The following DIAPH2 variants were observed in gnomAD, a reference collection of about 807,000 sequenced individuals.
DIAPH2 encodes the protein protein diaphanous homolog 2.
In DIAPH2, 35 loss-of-function variants were observed where a neutral mutation model predicts 92.7. That is an observed-to-expected ratio of 0.38 (90% CI 0.29 to 0.50). The LOEUF (loss-of-function observed/expected upper bound fraction) is 0.50, where lower values mean the gene tolerates loss of function less well. Among genes scored for constraint, DIAPH2 ranks in the 20% least tolerant of loss-of-function variants. The pLI, the probability that DIAPH2 is intolerant of heterozygous loss-of-function variation, is 0.94. For synonymous variants in DIAPH2, 301 were observed against 280.4 expected, an observed-to-expected ratio of 1.07 and a Z score of -0.73; for missense variants, 701 against 819.5, an observed-to-expected ratio of 0.86 and a Z score of 1.77.
At chrX:97,185,329 A>G (rs865886641) in intron 22 of DIAPH2, among the ~76,000 whole-genome samples, 943 of 9,382 alleles carry the variant, frequency 0.1, 242 homozygotes, top group African/African-American at 0.28. Flanking sequence ...ATATATGTGT[A>G]TATATATATA....
At chrX:97,578,294 A>G (rs2071412295) in intron 26 of DIAPH2, among the ~76,000 whole-genome samples, 1 of 108,057 alleles carries the variant, frequency 9.3e-6, no homozygotes, top group Non-Finnish European at 1.9e-5. Flanking sequence ...AGCATTAGGT[A>G]TATCTCCCAA....
intron 23 of DIAPH2, among the ~76,000 whole-genome samples, chrX:97,265,409 T>C (rs1468273788): frequency 8.9e-6 from 1 of 111,807 alleles, no homozygotes; most frequent in East Asian, 2.8e-4. Flanking sequence ...CTCATGGAGC[T>C]AAAATTTACT....
chrX:97,567,732 G>A (rs2071336990), intron 26 of DIAPH2, among the ~76,000 whole-genome samples: 2 of 111,661 alleles, frequency 1.8e-5, no homozygotes, highest in Admixed American at 1.9e-4. Flanking sequence ...GAATAGTATA[G>A]TTTTAAACAT....
At chrX:97,161,468 T>C (rs747943662) in intron 22 of DIAPH2, among the ~76,000 whole-genome samples, 12 of 110,319 alleles carry the variant, frequency 1.1e-4, no homozygotes, top group Admixed American at 2.9e-4. Context: ...TGGCACGATA[T>C]TGGCTCACTG....
intron 24 of DIAPH2, among the ~76,000 whole-genome samples, chrX:97,352,605 C>T: frequency 9.1e-6 from 1 of 109,559 alleles, no homozygotes; most frequent in East Asian, 2.8e-4. Context: ...CTCAGTGGCT[C>T]AAGCCGGTAA....
chrX:97,078,808 A>G (rs1357631390), intron 19 of DIAPH2, among the ~76,000 whole-genome samples: 1 of 111,183 alleles, frequency 9.0e-6, no homozygotes, highest in East Asian at 2.8e-4. Flanking sequence ...GTCTTCCTGG[A>G]AGAAGTGTTC....
intron 22 of DIAPH2, among the ~76,000 whole-genome samples, chrX:97,164,099 T>C (rs962091681): frequency 5.3e-5 from 6 of 112,331 alleles, no homozygotes; most frequent in Non-Finnish European, 1.1e-4. Context: ...ATCAAGAATT[T>C]ATTGAGAACC....
intron 17 of DIAPH2, among the ~76,000 whole-genome samples, chrX:97,001,024 AAG>A (rs1339251555): frequency 8.9e-6 from 1 of 112,321 alleles, no homozygotes; most frequent in African/African-American, 3.2e-5. Flanking sequence ...GAGAATACTG[AAG>A]AGAGTTAACT....
intron 26 of DIAPH2, chrX:97,442,558 A>G (rs2070270617): frequency 8.9e-6 from 1 of 112,703 alleles, no homozygotes; most frequent in South Asian, 3.6e-4. Flanking sequence ...TCTCTCATAC[A>G]GGCTCATTTC....
At chrX:97,060,493 C>A (rs1192199814) in intron 17 of DIAPH2, among the ~76,000 whole-genome samples, 3 of 110,955 alleles carry the variant, frequency 2.7e-5, no homozygotes. Context: ...ATAGCTCTAT[C>A]CGCAGTCTAC....
At chrX:97,044,637 C>G (rs765601818) in intron 17 of DIAPH2, among the ~76,000 whole-genome samples, 2 of 110,984 alleles carry the variant, frequency 1.8e-5, no homozygotes, top group South Asian at 7.7e-4. Context: ...GATTTAGCTC[C>G]TTTCTCCATG....
chrX:97,375,774 T>C (rs1173773008), intron 24 of DIAPH2, among the ~76,000 whole-genome samples: 1 of 110,851 alleles, frequency 9.0e-6, no homozygotes, highest in Non-Finnish European at 1.9e-5. Flanking sequence ...ACCCCACCAA[T>C]AAGCAAAAAG....
At chrX:97,240,582 G>A (rs1602442202) in intron 22 of DIAPH2, among the ~76,000 whole-genome samples, 1 of 104,357 alleles carries the variant, frequency 9.6e-6, no homozygotes, top group East Asian at 2.9e-4. Flanking sequence ...TTCCAGCCTG[G>A]GCAACAGAGC....
intron 23 of DIAPH2, among the ~76,000 whole-genome samples, chrX:97,258,026 T>C (rs1215590764): frequency 1.8e-5 from 2 of 111,076 alleles, no homozygotes; most frequent in Non-Finnish European, 3.8e-5. Context: ...AAAAACATTT[T>C]TAAGTTCTAG....
chrX:97,103,696 G>A (rs908222842), intron 20 of DIAPH2, among the ~76,000 whole-genome samples: 16 of 111,756 alleles, frequency 1.4e-4, no homozygotes, highest in Admixed American at 1.1e-3. Flanking sequence ...GATGTTTCTA[G>A]AGTGTATCTG....
rs181662569 is a variant in DIAPH2 at position 96,956,270 on chromosome X, C to T, written c.1615-1558C>T. ...CTCCTTTTATCCATGGCTGAAGTGGCTAGGATGCAGGGCACCAAAGAGACT... is the reference window on the plus strand; with the variant it reads ...CTCCTTTTATCCATGGCTGAAGTGGTTAGGATGCAGGGCACCAAAGAGACT... On this transcript the variant is annotated intron_variant, in intron 15 of 26. Coordinates refer to ENST00000324765, the MANE Select transcript of DIAPH2 (RefSeq NM_006729.5). Among the ~76,000 whole-genome samples, 7 of 112,662 alleles carry T rather than the reference C, an allele frequency of 6.2e-5. No individual in the cohort carries two copies. The East Asian group carries it at 2.0e-3, about 32-fold the overall frequency.
chrX:96,742,294 C>A (rs1231003174), intron 3 of DIAPH2, among the ~76,000 whole-genome samples: 2 of 111,916 alleles, frequency 1.8e-5, no homozygotes, highest in South Asian at 3.8e-4. Flanking sequence ...TCCACTGATA[C>A]CACACTAGTT....
intron 22 of DIAPH2, among the ~76,000 whole-genome samples, chrX:97,233,237 C>T (rs2068022330): frequency 8.9e-6 from 1 of 112,626 alleles, no homozygotes; most frequent in Admixed American, 9.4e-5. Context: ...CTTGGAAATA[C>T]TGCTGAACTA....
chrX:97,260,864 C>T (rs1208645111), intron 23 of DIAPH2, among the ~76,000 whole-genome samples: 1 of 112,151 alleles, frequency 8.9e-6, no homozygotes, highest in Non-Finnish European at 1.9e-5. Flanking sequence ...TTGCCCATTA[C>T]TAGTTTACAT....
Sources: allele counts gnomAD v4.1 joint callset (sites outside exome capture counted in the v4.1 genomes callset), GRCh38; gene constraint gnomAD v4.1.1; transcripts MANE v1.5; gene names NCBI Gene and HGNC (gene_info 2026-07-23, HGNC 2026-07-21).